The following ALK variants were observed in gnomAD, a reference collection of about 807,000 sequenced individuals.
The protein encoded by ALK is ALK tyrosine kinase receptor.
Under a neutral mutation model 163.1 loss-of-function variants are expected in ALK, and 74 were observed. The ratio of observed to expected loss-of-function variants is 0.45; its 90% CI spans 0.38 to 0.55. The LOEUF is 0.55. ALK is among the 20% of genes least tolerant of loss of function. ALK has a pLI of 0.00. For synonymous variants in ALK, 960 were observed against 843.2 expected, an observed-to-expected ratio of 1.14 and a Z score of -2.40; for missense variants, 2,063 against 2,105.3, an observed-to-expected ratio of 0.98 and a Z score of 0.39.
chr2:29,363,242 A>G (rs183575501), intron 5 of ALK, among the ~76,000 whole-genome samples: 40 of 152,292 alleles, frequency 2.6e-4, no homozygotes, highest in African/African-American at 8.9e-4. Flanking sequence ...ACATAAATCA[A>G]TGGCTCTGGG....
At chr2:29,566,546 A>AT (rs1437726001) in intron 3 of ALK, among the ~76,000 whole-genome samples, 5 of 152,198 alleles carry the variant, frequency 3.3e-5, no homozygotes, top group African/African-American at 9.6e-5. Flanking sequence ...TGTCACATAC[A>AT]TGGCCGGTAG....
At chr2:29,917,687 G>C (rs1348975300) in intron 1 of ALK, among the ~76,000 whole-genome samples, 1 of 152,192 alleles carries the variant, frequency 6.6e-6, no homozygotes, top group African/African-American at 2.4e-5. Context: ...AGAAAGGAGA[G>C]ACCAGGCTGT....
chr2:29,831,696 A>G (rs561621839), intron 1 of ALK, among the ~76,000 whole-genome samples: 38 of 152,326 alleles, frequency 2.5e-4, no homozygotes, highest in African/African-American at 8.9e-4. Flanking sequence ...GATAGAAATC[A>G]CTTAACCTGT....
At chr2:29,318,895 T>C (rs1573224004) in intron 7 of ALK, among the ~76,000 whole-genome samples, 1 of 152,168 alleles carries the variant, frequency 6.6e-6, no homozygotes, top group East Asian at 1.9e-4. Context: ...GCCTGTGAGG[T>C]CCCAGCACCA....
chr2:29,794,547 T>G (rs1256481434), intron 1 of ALK, among the ~76,000 whole-genome samples: 1 of 152,162 alleles, frequency 6.6e-6, no homozygotes, highest in East Asian at 1.9e-4. Context: ...CATGTCTAGT[T>G]TTTTACTGAA....
At chr2:29,864,143 G>C (rs193147259) in intron 1 of ALK, among the ~76,000 whole-genome samples, 115 of 152,314 alleles carry the variant, frequency 7.6e-4, no homozygotes, top group Non-Finnish European at 1.5e-3. Context: ...TACCTGGGCA[G>C]AGCTGGGATT....
At chr2:29,515,988 T>C (rs1352420709) in intron 4 of ALK, among the ~76,000 whole-genome samples, 2 of 152,192 alleles carry the variant, frequency 1.3e-5, no homozygotes, top group African/African-American at 4.8e-5. Context: ...CAGCTCAAGC[T>C]TGGCCGAGTG....
chr2:29,223,317 C>G, intron 20 of ALK, 25 bp downstream of exon 20: 2 of 1,613,514 alleles, frequency 1.2e-6, no homozygotes, highest in Non-Finnish European at 1.7e-6. Context: ...CCCCTCTCCT[C>G]CCAGGACGGC....
intron 27 of ALK, among the ~76,000 whole-genome samples, chr2:29,197,146 C>T (rs181602776): frequency 9.9e-5 from 15 of 152,284 alleles, no homozygotes; most frequent in Non-Finnish European, 1.5e-4. Context: ...TTCCCATCCA[C>T]GTTGCTTGTG....
chr2:29,744,627 GTCTC>G (rs1680159040), intron 1 of ALK, among the ~76,000 whole-genome samples: 1 of 152,036 alleles, frequency 6.6e-6, no homozygotes, highest in South Asian at 2.1e-4. Flanking sequence ...TTGAGACAGA[GTCTC>G]TCTCTGTCAC....
intron 1 of ALK, among the ~76,000 whole-genome samples, chr2:29,791,840 T>C (rs1664198113): frequency 6.6e-6 from 1 of 152,166 alleles, no homozygotes; most frequent in African/African-American, 2.4e-5. Flanking sequence ...CATCAATTAA[T>C]AATTATAATT....
intron 1 of ALK, among the ~76,000 whole-genome samples, chr2:29,719,272 A>C (rs1679357306): frequency 6.6e-6 from 1 of 152,178 alleles, no homozygotes. Context: ...CTTTTCTCTT[A>C]TATTTGGTCT....
chr2:29,771,067 A>G (rs1349238778), intron 1 of ALK, among the ~76,000 whole-genome samples: 1 of 152,138 alleles, frequency 6.6e-6, no homozygotes, highest in Non-Finnish European at 1.5e-5. Flanking sequence ...ACAAGCATTA[A>G]CACAGACATG....
chr2:29,439,769 C>A (rs920058082), intron 4 of ALK, among the ~76,000 whole-genome samples: 1 of 151,774 alleles, frequency 6.6e-6, no homozygotes, highest in Non-Finnish European at 1.5e-5. Flanking sequence ...AGGGATGTGG[C>A]TGCAAGGAAT....
chr2:29,449,295 T>C (rs993371407), intron 4 of ALK, among the ~76,000 whole-genome samples: 1 of 152,210 alleles, frequency 6.6e-6, no homozygotes, highest in Non-Finnish European at 1.5e-5. Flanking sequence ...AGTGAAAGCC[T>C]AAACAATGTC....
chr2:29,860,096 A>G (rs1479953050), intron 1 of ALK, among the ~76,000 whole-genome samples: 2 of 152,234 alleles, frequency 1.3e-5, no homozygotes, highest in Non-Finnish European at 2.9e-5. Flanking sequence ...GAGTGCTTCC[A>G]AATAAGACAC....
chr2:29,661,395 C>T (rs1036556082), intron 3 of ALK, among the ~76,000 whole-genome samples: 1 of 152,136 alleles, frequency 6.6e-6, no homozygotes, highest in East Asian at 1.9e-4. Flanking sequence ...ATTGTCAACT[C>T]CAGGACTCAC....
chr2:29,793,905 G>T (rs1308450279), intron 1 of ALK, among the ~76,000 whole-genome samples: 1 of 152,134 alleles, frequency 6.6e-6, no homozygotes, highest in Non-Finnish European at 1.5e-5. Context: ...TTGTCAGAAT[G>T]GTAAATAAGA....
At chr2:29,419,641 A>G (rs1267218941) in intron 4 of ALK, among the ~76,000 whole-genome samples, 1 of 151,562 alleles carries the variant, frequency 6.6e-6, no homozygotes. Context: ...TAACTGCTCT[A>G]TGAAGAAGTT....
Sources: gnomAD v4.1 joint callset for allele counts (sites outside exome capture counted in the v4.1 genomes callset) on GRCh38, gnomAD v4.1.1 for gene constraint, MANE v1.5 for transcripts, NCBI Gene and HGNC (gene_info 2026-07-23, HGNC 2026-07-21) for gene names.